EDRF1: variants seen among roughly 807,000 people sequenced by gnomAD.
The protein encoded by EDRF1 is erythroid differentiation-related factor 1.
In EDRF1, 69 loss-of-function variants were observed where a neutral mutation model predicts 148.7. The observed-to-expected ratio is 0.46, with a 90% CI of 0.38 to 0.57. EDRF1 has a LOEUF of 0.57. Among genes scored for constraint, EDRF1 ranks in the 20% least tolerant of loss-of-function variants. The probability of loss-of-function intolerance (pLI) is 0.00; values close to 1 mark genes in which losing one functional copy is unlikely to be tolerated. For synonymous variants in EDRF1, 515 were observed against 532.8 expected, an observed-to-expected ratio of 0.97 and a Z score of 0.46; for missense variants, 1,118 against 1,478.7, an observed-to-expected ratio of 0.76 and a Z score of 4.00.
chr10:125,721,497 C>A, intron 2 of EDRF1, 85 bp downstream of exon 2: 2 of 1,248,746 alleles, frequency 1.6e-6, no homozygotes, highest in Non-Finnish European at 2.3e-6. Context: ...TTTGTAATGC[C>A]TATTAACTTG....
intron 3 of EDRF1, 52 bp from the exon 4 acceptor site, chr10:125,723,759 A>G (rs1011085974): frequency 1.3e-5 from 20 of 1,557,874 alleles, no homozygotes; most frequent in Non-Finnish European, 1.6e-5. Context: ...AAAAGATTCC[A>G]AATCACACTA....
chr10:125,729,886 T>C (rs1172974222), intron 8 of EDRF1, among the ~76,000 whole-genome samples: 1 of 152,230 alleles, frequency 6.6e-6, no homozygotes, highest in African/African-American at 2.4e-5. Context: ...AGATTCCTAC[T>C]AACTACTTGT....
intron 6 of EDRF1, among the ~76,000 whole-genome samples, chr10:125,727,724 A>G (rs554585342): frequency 1.2e-4 from 18 of 152,232 alleles, no homozygotes; most frequent in Admixed American, 2.6e-4. Flanking sequence ...ACAGATGACA[A>G]GTAAGACAGA....
intron 3 of EDRF1, 133 bp downstream of exon 3, chr10:125,723,267 G>T: frequency 1.2e-6 from 1 of 810,928 alleles, no homozygotes; most frequent in East Asian, 2.5e-5. Context: ...AAACTTACCT[G>T]ATTATTGAGT....
chr10:125,730,226 C>T (rs774979933), intron 8 of EDRF1, 62 bp from the exon 9 acceptor site: 37 of 1,281,012 alleles, frequency 2.9e-5, no homozygotes, highest in Non-Finnish European at 3.8e-5. Context: ...AAATAACTTT[C>T]AGATGATTAA....
chr10:125,745,986 C>T (rs1849335049), intron 19 of EDRF1, 56 bp downstream of exon 19: 1 of 1,549,994 alleles, frequency 6.5e-7, no homozygotes, highest in African/African-American at 1.4e-5. Context: ...CATTTATTTA[C>T]ATTTTGCCAG....
At chr10:125,738,523 A>C in intron 15 of EDRF1, 78 bp downstream of exon 15, 1 of 1,545,800 alleles carries the variant, frequency 6.5e-7, no homozygotes, top group Non-Finnish European at 8.9e-7. Flanking sequence ...ACTTATGTCA[A>C]TTAAGGCATT....
intron 24 of EDRF1, 125 bp downstream of exon 24, chr10:125,753,970 C>A (rs902237688): frequency 2.0e-6 from 2 of 1,017,168 alleles, no homozygotes; most frequent in Non-Finnish European, 2.9e-6. Context: ...AATCCCAGCA[C>A]TTTGGGAGGC....
intron 6 of EDRF1, 109 bp from the exon 7 acceptor site, chr10:125,728,894 G>C: frequency 1.2e-6 from 1 of 850,294 alleles, no homozygotes; most frequent in Non-Finnish European, 1.8e-6. Flanking sequence ...AATTCACAAT[G>C]GTAGATTTGA....
At position 125,729,390 on chromosome 10, in the gene EDRF1, A is replaced by G. The variant is rs189892465; in HGVS notation, c.927A>G (p.Leu309=). ...AAAATGATTTTGTTCGGAATATTCT[A>G]TGGACATTTGAAGATATCCATATGT... The part of the protein sequence containing the change: ...GLKNDFVRNI[L]WTFEDIHMLV... The change falls in exon 8 of 25, where the codon CTA becomes CTG. Residue 309 remains leucine, a synonymous_variant. Transcript: ENST00000356792. 18 of 1,613,760 alleles carry G rather than the reference A, an allele frequency of 1.1e-5. No homozygotes were observed. The highest frequency in any genetic ancestry group is 3.3e-4 in the Middle Eastern group (2 of 6,062).
intron 14 of EDRF1, 120 bp from the exon 15 acceptor site, chr10:125,738,175 A>C (rs1244491292): frequency 4.9e-6 from 7 of 1,424,924 alleles, no homozygotes; most frequent in Non-Finnish European, 6.9e-6. Flanking sequence ...AGTTTTTGAA[A>C]GTCTGTTTGT....
chr10:125,733,359 T>C (rs1324553845), intron 9 of EDRF1, 45 bp from the exon 10 acceptor site: 1 of 1,488,500 alleles, frequency 6.7e-7, no homozygotes. Flanking sequence ...TGTTGTTTCC[T>C]TGGGTTTTCT....
rs962599059 is a variant in EDRF1, at chr10:125,745,995, A to G, written c.2814+65A>G. The G allele has an allele frequency of 1.5e-5, 22 of 1,495,764 alleles. No homozygotes were observed. The African/African-American group carries it at 2.6e-4, about 18-fold the overall frequency. 92.7% of individuals were successfully genotyped at this position (1,495,764 alleles called of 1,614,324 possible). A position where few individuals can be genotyped will look rare whatever the true frequency, so the allele number is the denominator to read the frequency against. The stretch of plus-strand genomic sequence containing the variant: ...ACCTGTCATTTATTTACATTTTGCC[A>G]GTTTCACTAAAATACTATAAAACTA... On this transcript the variant is annotated intron_variant, in intron 19 of 24. Transcript: ENST00000356792.
chr10:125,751,191 G>A (rs1005715525), intron 22 of EDRF1, among the ~76,000 whole-genome samples: 1 of 152,032 alleles, frequency 6.6e-6, no homozygotes, highest in Non-Finnish European at 1.5e-5. Flanking sequence ...CTCCTGCCTC[G>A]GCCTCCCAAA....
At chr10:125,725,542 G>C (rs1848217741) in intron 5 of EDRF1, 100 bp downstream of exon 5, 1 of 1,573,482 alleles carries the variant, frequency 6.4e-7, no homozygotes, top group African/African-American at 1.3e-5. Context: ...TTGCCCCTGT[G>C]ATACTGTTAA....
intron 2 of EDRF1, 82 bp downstream of exon 2, chr10:125,721,494 T>A: frequency 7.7e-7 from 1 of 1,291,018 alleles, no homozygotes; most frequent in Non-Finnish European, 1.1e-6. Context: ...CAGTTTGTAA[T>A]GCCTATTAAC....
chr10:125,723,831 A>G lies in EDRF1; in HGVS notation c.405A>G (p.Lys135=), dbSNP rs773928359. 1.3e-5 allele frequency: 21 copies of G among 1,613,434 alleles called. No homozygotes were observed. In the South Asian group the frequency reaches 2.2e-4, roughly 17 times the overall value. The change falls in exon 4 of 25, where the codon AAA becomes AAG. Residue 135 remains lysine (K), a synonymous_variant. Coordinates refer to ENST00000356792, the MANE Select transcript of EDRF1 (RefSeq NM_001202438.2). ...TTAAGAACATAAAAAAACTCCTGAA[A>G]ATTCCCTACAGCAAGTCGCACGTGA... ...SDSENIKKLL[K]IPYSKSHVSM...
At chr10:125,731,867 A>C (rs1031341377) in intron 9 of EDRF1, 2 of 453,912 alleles carry the variant, frequency 4.4e-6, no homozygotes, top group African/African-American at 2.0e-5. Flanking sequence ...CTTCTTAGCT[A>C]CCTCACATGC....
In EDRF1 at chr10:125,740,569, T is replaced by C. The variant is rs181278917; in HGVS notation, c.2088T>C (p.Tyr696=). 226 of 1,614,164 alleles carry C rather than the reference T, an allele frequency of 1.4e-4. 2 individuals are homozygous for C. The East Asian group carries it at 4.7e-3, about 33-fold the overall frequency. The part of the protein sequence containing the change: ...LQLILKSSKA[Y]YVLSDAAMSL... Reference sequence around the variant, plus strand: ...TGATTCTCAAGTCATCAAAGGCCTATTATGTTTTGTCCGATGCTGCCATGA... The same window carrying C: ...TGATTCTCAAGTCATCAAAGGCCTACTATGTTTTGTCCGATGCTGCCATGA... Residue 696 remains tyrosine, a synonymous_variant, in exon 16 of 25, where the codon TAT becomes TAC. Transcript: ENST00000356792.
Sources: gnomAD v4.1 joint callset for allele counts (sites outside exome capture counted in the v4.1 genomes callset) on GRCh38, gnomAD v4.1.1 for gene constraint, MANE v1.5 for transcripts, NCBI Gene and HGNC (gene_info 2026-07-23, HGNC 2026-07-21) for gene names.